The following RAD51B variants were observed in gnomAD, a reference collection of about 807,000 sequenced individuals.
The protein encoded by RAD51B is RAD51 paralog B, also known as DNA repair protein RAD51 homolog 2.
RAD51B carries 38 observed loss-of-function variants against 42.2 expected under a neutral mutation model. The ratio of observed to expected loss-of-function variants is 0.90; its 90% CI spans 0.70 to 1.18. The LOEUF (loss-of-function observed/expected upper bound fraction) is 1.18. Ranked by LOEUF, RAD51B falls within the 50% of genes most tolerant of loss-of-function variation. The pLI, the probability that RAD51B is intolerant of heterozygous loss-of-function variation, is 0.00. For missense variants in RAD51B, 373 were observed against 400.7 expected, an observed-to-expected ratio of 0.93 and a Z score of 0.59; for synonymous variants, 154 against 145.2, an observed-to-expected ratio of 1.06 and a Z score of -0.43.
In RAD51B at chr14:67,929,811, T is replaced by TTG. The variant is rs549853055; in HGVS notation, c.756+42611_756+42612dup. Among the ~76,000 whole-genome samples the TTG allele has an allele frequency of 7.9e-3, 1,204 of 152,030 alleles. 14 individuals carry two copies. The highest frequency in any genetic ancestry group is 0.027 in the African/African-American group (1,127 of 41,490). On this transcript the variant is annotated intron_variant, in intron 7 of 10. Transcript: ENST00000471583. ...CCTTGTCTTTCTGTGTCTTTTTTTT[T>TTG]TGTGTTTTTTTGTTTTTTTTAAGAA...
In RAD51B at chr14:68,611,159, T is replaced by TG. The variant is rs1566954715; in HGVS notation, c.1191dup (p.His398AlafsTer25). On this transcript the variant is annotated frameshift_variant, in exon 11 of 11. Transcript: ENST00000487861. LOFTEE classifies it low-confidence loss of function (END_TRUNC). ...AGTGTCTCCATGTGCCCTCCACAGA[T>TG]GCACTCAACTGTCCTCTCTTCTGCT... is the stretch of plus-strand genomic sequence containing the variant. 1 of 703,142 alleles carries TG rather than the reference T, an allele frequency of 1.4e-6. No individual in the cohort carries two copies. The allele number at this position is 703,142 out of a possible 1,614,324, so 43.6% of individuals were successfully genotyped here.
At chr14:68,538,745 G>A (rs1381564967) in intron 10 of RAD51B, among the ~76,000 whole-genome samples, 4 of 151,728 alleles carry the variant, frequency 2.6e-5, no homozygotes, top group Admixed American at 2.6e-4. Context: ...AGAAAATCAT[G>A]GGCCTTCCTA....
intron 7 of RAD51B, among the ~76,000 whole-genome samples, chr14:68,137,252 A>G (rs541116539): frequency 1.1e-4 from 16 of 152,140 alleles, no homozygotes; most frequent in African/African-American, 3.9e-4. Context: ...CTCCTGATAG[A>G]AGGAAAACTG....
intron 10 of RAD51B, chr14:68,470,744 A>G (rs780683003): frequency 2.3e-6 from 1 of 428,652 alleles, no homozygotes; most frequent in South Asian, 2.2e-5. Flanking sequence ...ATGTCCACAT[A>G]CATTATGAGT....
At chr14:68,092,513 TG>T (rs2077118106) in intron 7 of RAD51B, among the ~76,000 whole-genome samples, 1 of 152,220 alleles carries the variant, frequency 6.6e-6, no homozygotes. Flanking sequence ...CCGTTATTGG[TG>T]TATAAGAATG....
chr14:68,335,864 G>A (rs776064155), intron 8 of RAD51B, among the ~76,000 whole-genome samples: 12 of 152,108 alleles, frequency 7.9e-5, no homozygotes, highest in Admixed American at 6.5e-4. Flanking sequence ...TAGCCATTAG[G>A]TTAGCAATAC....
chr14:68,303,458 A>T (rs1178615921), intron 8 of RAD51B, among the ~76,000 whole-genome samples: 5 of 3,734 alleles, frequency 1.3e-3, no homozygotes, highest in African/African-American at 6.8e-3. Context: ...AAAGTATAAT[A>T]AAAAAAAAAA....
At chr14:68,338,382 A>C (rs866708894) in intron 8 of RAD51B, among the ~76,000 whole-genome samples, 1 of 152,122 alleles carries the variant, frequency 6.6e-6, no homozygotes. Flanking sequence ...TCAGCTAGCC[A>C]CTTTCGCTGC....
At chr14:68,292,560 G>A (rs554632048) in intron 8 of RAD51B, among the ~76,000 whole-genome samples, 1 of 152,294 alleles carries the variant, frequency 6.6e-6, no homozygotes, top group South Asian at 2.1e-4. Flanking sequence ...GTGGTTTCTA[G>A]TTTTATTGAA....
intron 5 of RAD51B, among the ~76,000 whole-genome samples, chr14:67,873,778 G>T (rs1463888975): frequency 6.8e-6 from 1 of 146,096 alleles, no homozygotes; most frequent in African/African-American, 2.6e-5. Context: ...ATGAGTTCAT[G>T]TCCTTTGTAG....
intron 7 of RAD51B, among the ~76,000 whole-genome samples, chr14:68,139,227 A>C (rs78752836): frequency 1.3e-5 from 2 of 151,738 alleles, no homozygotes; most frequent in South Asian, 4.1e-4. Context: ...CAAAACATTT[A>C]TTACTAAAAT....
chr14:68,329,048 G>A (rs2082298411), intron 8 of RAD51B, among the ~76,000 whole-genome samples: 1 of 152,062 alleles, frequency 6.6e-6, no homozygotes, highest in Admixed American at 6.6e-5. Flanking sequence ...TTTTGCTGTT[G>A]CCCAGGCTGG....
chr14:68,435,076 A>G (rs1449601679), intron 9 of RAD51B, among the ~76,000 whole-genome samples: 1 of 152,178 alleles, frequency 6.6e-6, no homozygotes, highest in Non-Finnish European at 1.5e-5. Context: ...GGTTTGTTAC[A>G]TGGGTATGTT....
chr14:67,954,606 A>G (rs1209910183), intron 7 of RAD51B, among the ~76,000 whole-genome samples: 3 of 152,200 alleles, frequency 2.0e-5, no homozygotes, highest in Non-Finnish European at 2.9e-5. Context: ...GATGTGGGTG[A>G]ACTAATCCAA....
At chr14:68,049,148 A>G (rs2076351367) in intron 7 of RAD51B, among the ~76,000 whole-genome samples, 1 of 152,060 alleles carries the variant, frequency 6.6e-6, no homozygotes, top group Admixed American at 6.6e-5. Context: ...CACAGGTGGG[A>G]ATTGAACAAT....
At chr14:68,505,831 G>A (rs1349634520) in intron 10 of RAD51B, among the ~76,000 whole-genome samples, 1 of 152,190 alleles carries the variant, frequency 6.6e-6, no homozygotes, top group East Asian at 1.9e-4. Context: ...GGGATTACAG[G>A]CGTGAGCGAC....
intron 7 of RAD51B, among the ~76,000 whole-genome samples, chr14:68,061,999 C>T (rs2076574810): frequency 6.6e-6 from 1 of 152,156 alleles, no homozygotes; most frequent in South Asian, 2.1e-4. Context: ...GAACATTCAA[C>T]TTTTTCACCA....
chr14:68,598,806 G>A (rs1454424788), downstream of RAD51B, among the ~76,000 whole-genome samples: 1 of 152,252 alleles, frequency 6.6e-6, no homozygotes, highest in East Asian at 1.9e-4. Flanking sequence ...AGGCATGGAA[G>A]AGCCTTTAAG....
At chr14:68,461,220 G>A (rs1455202503) in intron 9 of RAD51B, among the ~76,000 whole-genome samples, 1 of 151,882 alleles carries the variant, frequency 6.6e-6, no homozygotes, top group African/African-American at 2.4e-5. Context: ...GACTTTCAGG[G>A]ATGAAGGGCA....
Sources: gnomAD v4.1 joint callset for allele counts (sites outside exome capture counted in the v4.1 genomes callset) on GRCh38, gnomAD v4.1.1 for gene constraint, MANE v1.5 for transcripts, NCBI Gene and HGNC (gene_info 2026-07-23, HGNC 2026-07-21) for gene names.